The following IL16 variants were observed in gnomAD, a reference collection of about 807,000 sequenced individuals.
The protein encoded by IL16 is pro-interleukin-16.
A neutral mutation model predicts 110.1 loss-of-function variants in IL16; 67 were observed. The ratio of observed to expected loss-of-function variants is 0.61; its 90% CI spans 0.50 to 0.75. The LOEUF (loss-of-function observed/expected upper bound fraction) is 0.75, where lower values mean the gene tolerates loss of function less well. IL16 is among the 30% of genes least tolerant of loss of function. The probability of loss-of-function intolerance (pLI) is 0.00; values close to 1 mark genes in which losing one functional copy is unlikely to be tolerated. For missense variants in IL16, 1,545 were observed against 1,655.0 expected (o/e 0.93, Z 1.15); for synonymous variants, 689 against 662.9 (o/e 1.04, Z -0.61).
intron 2 of IL16, among the ~76,000 whole-genome samples, chr15:81,245,434 C>T (rs1897503174): frequency 6.6e-6 from 1 of 152,156 alleles, no homozygotes; most frequent in Non-Finnish European, 1.5e-5. Flanking sequence ...ATGTGATTTA[C>T]AGTTCTCCAG....
At position 81,247,076 on chromosome 15, in the gene IL16, C is replaced by CTTTTTTTT. The variant is rs57484982; in HGVS notation, c.313-12683_313-12676dup. Among the ~76,000 whole-genome samples the CTTTTTTTT allele has an allele frequency of 4.1e-3, 377 of 92,518 alleles. 1 individual carries two copies. The highest frequency in any genetic ancestry group is 5.6e-3 in the African/African-American group (117 of 20,752). 60.7% of individuals were successfully genotyped at this position (92,518 alleles called of 152,430 possible). ...TTTGTGTTTTCTTTCTTTTCTTTTC[C>CTTTTTTTT]TTTTTTTTTTTTTTTTTTTTGATCT... On this transcript the variant is annotated intron_variant, in intron 2 of 18. Coordinates refer to ENST00000683961, the MANE Select transcript of IL16 (RefSeq NM_172217.5).
Position 81,300,147 on chromosome 15 carries a change from C to A in IL16, c.2821C>A (p.Leu941Ile). 6 of 1,613,098 alleles carry A rather than the reference C, an allele frequency of 3.7e-6. No homozygotes were observed. The South Asian group carries it at 6.6e-5, about 18-fold the overall frequency. The change falls in exon 14 of 19, where the codon CTC becomes ATC. Residue 941 changes from leucine (L) to isoleucine (I), a missense_variant. Around this residue, in one of 3 missense-constraint regions of IL16, gnomAD observed 1,185 missense variants for 1,238.8 expected, o/e 0.96. Coordinates refer to ENST00000683961, the MANE Select transcript of IL16 (RefSeq NM_172217.5). ...QKTLPPGPDP[L>I]LRLLSTQAEE... ...AACTCTCCCCCCTGGCCCGGACCCG[C>A]TCCTAAGGCTGCTGTCAACACAGGC...
At chr15:81,212,865 TG>T (rs1331305805) in intron 1 of IL16, among the ~76,000 whole-genome samples, 2 of 152,244 alleles carry the variant, frequency 1.3e-5, no homozygotes, top group Non-Finnish European at 2.9e-5. Flanking sequence ...TTTGGATTTT[TG>T]CACCTCAATT....
chr15:81,228,263 G>A (rs966313941), intron 2 of IL16, among the ~76,000 whole-genome samples: 4 of 152,024 alleles, frequency 2.6e-5, no homozygotes, highest in East Asian at 1.9e-4. Flanking sequence ...GGAGGGACCC[G>A]GGCAGGGGAA....
Position 81,313,267 on chromosome 15 carries a change from A to G in IL16, c.*4469A>G, listed in dbSNP as rs759593941. The G allele has an allele frequency of 6.4e-7, 1 of 1,569,952 alleles. No homozygotes were observed. The highest frequency in any genetic ancestry group is 1.9e-5 in the Admixed American group (1 of 53,740). ...AAGTAACGATAGCATTACTCATGGA[A>G]TTGCTTCACTGCTTTCTGAAGGTTG... is the stretch of plus-strand genomic sequence containing the variant. On this transcript the variant is annotated 3_prime_UTR_variant, in exon 19 of 19. Coordinates refer to ENST00000683961, the MANE Select transcript of IL16 (RefSeq NM_172217.5).
intron 1 of IL16, among the ~76,000 whole-genome samples, chr15:81,200,573 G>A (rs1479651555): frequency 6.6e-6 from 1 of 152,114 alleles, no homozygotes; most frequent in Non-Finnish European, 1.5e-5. Context: ...GTTTTGCCAT[G>A]TTGGCCAGGC....
rs530605040 is a variant in IL16, at chr15:81,205,552, A to G, written c.-102+8400A>G. 3.9e-5 allele frequency among the ~76,000 whole-genome samples: 6 copies of G among 152,328 alleles called. No individual in the cohort carries two copies. In the East Asian group the frequency reaches 7.7e-4, roughly 20 times the overall value. On this transcript the variant is annotated intron_variant, in intron 1 of 18. Transcript: ENST00000683961. Reference sequence around the variant, plus strand: ...CCTATGATTCATTAAGAAGGAAAAGAAAGTGTGAATAAGTTGACTGGAAAA... The same window carrying G: ...CCTATGATTCATTAAGAAGGAAAAGGAAGTGTGAATAAGTTGACTGGAAAA...
At chr15:81,231,833 C>T (rs903539541) in intron 2 of IL16, among the ~76,000 whole-genome samples, 1 of 152,100 alleles carries the variant, frequency 6.6e-6, no homozygotes, top group African/African-American at 2.4e-5. Flanking sequence ...TAGTCAACAC[C>T]ATTTTTTGGA....
rs753258893 is a variant in IL16 at position 81,292,869 on chromosome 15, G to T, written c.1734G>T (p.Pro578=). 2 of 1,614,120 alleles carry T rather than the reference G, an allele frequency of 1.2e-6. No homozygotes were observed. Among genetic ancestry groups the T allele is most frequent in the South Asian group, 2.2e-5 (2 of 91,072 alleles). The change falls in exon 12 of 19, where the codon CCG becomes CCT. Residue 578 remains proline, a synonymous_variant. Coordinates refer to ENST00000683961, the MANE Select transcript of IL16 (RefSeq NM_172217.5). ...PLPESRDSHP[P]LRLKKSFEIL... ...CAGAGAGCCGGGACAGCCACCCGCC[G>T]CTGAGACTGAAGAAATCCTTTGAGA...
chr15:81,209,792 T>C (rs1318077529), intron 1 of IL16, among the ~76,000 whole-genome samples: 2 of 152,172 alleles, frequency 1.3e-5, no homozygotes, highest in Admixed American at 1.3e-4. Flanking sequence ...CCAGTGGCCC[T>C]GCACCCAGGC....
At position 81,278,989 on chromosome 15, in the gene IL16, C is replaced by G. The variant is rs79498891; in HGVS notation, c.864+99C>G. The G allele has an allele frequency of 2.6e-4, 218 of 825,838 alleles. 1 individual carries two copies. The East Asian group carries it at 5.2e-3, about 20-fold the overall frequency. 51.2% of individuals were successfully genotyped at this position (825,838 alleles called of 1,614,324 possible). On this transcript the variant is annotated intron_variant, in intron 7 of 18. Coordinates refer to ENST00000683961, the MANE Select transcript of IL16 (RefSeq NM_172217.5). The stretch of plus-strand genomic sequence containing the variant: ...ACCTACAAATTCAAACTGTGGAACC[C>G]TTCACATGAGGCACCTCACTGATGC...
intron 1 of IL16, among the ~76,000 whole-genome samples, chr15:81,187,269 C>G (rs1895432867): frequency 6.6e-6 from 1 of 152,012 alleles, no homozygotes; most frequent in Non-Finnish European, 1.5e-5. Context: ...AGTGTATATC[C>G]CAGTGTAAAG....
At chr15:81,195,280 A>T (rs1027587314), upstream of IL16, among the ~76,000 whole-genome samples, 1 of 152,146 alleles carries the variant, frequency 6.6e-6, no homozygotes, top group Non-Finnish European at 1.5e-5. Flanking sequence ...AGGATCCAAG[A>T]AGGGCAAGGC....
At position 81,303,584 on chromosome 15, in the gene IL16, G is replaced by T; in HGVS notation, c.3354G>T (p.Lys1118Asn). ...GCATCCATGTCACCATCTTACACAA[G>T]GAGGAAGGTGCTGGTCTTGGGTTCA... ...LDGIHVTILH[K>N]EEGAGLGFSL... The change falls in exon 16 of 19, where the codon AAG becomes AAT. Residue 1118 changes from lysine to asparagine, a missense_variant. Transcript: ENST00000683961. The surrounding 1 kb of genome is among the most constrained non-coding windows in gnomAD (Gnocchi z 4.1). 6.2e-7 allele frequency: 1 copy of T among 1,614,030 alleles called. No homozygotes were observed. Among genetic ancestry groups the T allele is most frequent in the Non-Finnish European group, 8.5e-7 (1 of 1,179,876 alleles).
At chr15:81,298,792 C>T (rs1596049548) in intron 13 of IL16, among the ~76,000 whole-genome samples, 1 of 152,198 alleles carries the variant, frequency 6.6e-6, no homozygotes, top group African/African-American at 2.4e-5. Context: ...CAGGTACATA[C>T]ATGGGAAATG....
At chr15:81,198,472 T>C (rs570322142) in intron 1 of IL16, among the ~76,000 whole-genome samples, 2 of 152,218 alleles carry the variant, frequency 1.3e-5, no homozygotes, top group Non-Finnish European at 2.9e-5. Context: ...CATATATCCA[T>C]AGGGTTAAAA....
intron 1 of IL16, among the ~76,000 whole-genome samples, chr15:81,213,073 G>GT (rs1487150763): frequency 2.6e-5 from 4 of 152,048 alleles, no homozygotes; most frequent in Non-Finnish European, 5.9e-5. Context: ...AGAGATTTTG[G>GT]TAAGTTGTAT....
chr15:81,276,858 A>G (rs1360536009), intron 6 of IL16, among the ~76,000 whole-genome samples: 1 of 152,228 alleles, frequency 6.6e-6, no homozygotes, highest in African/African-American at 2.4e-5. Flanking sequence ...ATACTATACT[A>G]CATCAGGAAA....
chr15:81,302,818 G>A (rs1900353680), intron 15 of IL16, among the ~76,000 whole-genome samples: 1 of 152,188 alleles, frequency 6.6e-6, no homozygotes, highest in South Asian at 2.1e-4. Flanking sequence ...CCTACGTAGA[G>A]CTGACCCTTT....
Sources: allele counts gnomAD v4.1 joint callset (sites outside exome capture counted in the v4.1 genomes callset), GRCh38; gene constraint gnomAD v4.1.1; regional missense constraint gnomAD v4.1.1; non-coding constraint Gnocchi (gnomAD v3.1); transcripts MANE v1.5; gene names NCBI Gene and HGNC (gene_info 2026-07-23, HGNC 2026-07-21).